MAML2: variants seen among roughly 807,000 people sequenced by gnomAD.
MAML2 encodes the protein mastermind-like protein 2.
In MAML2, 22 loss-of-function variants were observed where a neutral mutation model predicts 96.1. The ratio of observed to expected loss-of-function variants is 0.23; its 90% confidence interval spans 0.16 to 0.33. The LOEUF is 0.33. Ranked by LOEUF, MAML2 falls within the 10% of genes least tolerant of loss-of-function variation. The pLI is 1.00. For missense variants in MAML2, 1,367 were observed against 1,392.4 expected (o/e 0.98, Z 0.29); for synonymous variants, 561 against 521.3 (o/e 1.08, Z -1.04).
At chr11:96,225,833 A>C (rs79390047) in intron 1 of MAML2, among the ~76,000 whole-genome samples, 1 of 98,306 alleles carries the variant, frequency 1.0e-5, no homozygotes, top group African/African-American at 4.1e-5. Flanking sequence ...ACACTATCTC[A>C]AAAAAAAAAA....
At chr11:96,257,713 T>C (rs1862688036) in intron 1 of MAML2, among the ~76,000 whole-genome samples, 2 of 151,298 alleles carry the variant, frequency 1.3e-5, no homozygotes, top group East Asian at 3.9e-4. Flanking sequence ...AAAAAAAACC[T>C]CTATAATATT....
In MAML2 at chr11:96,231,362, T is replaced by C. The variant is rs527830479; in HGVS notation, c.513+110021A>G. ...TTGAATAATACTGAAATACAGTAGA[T>C]GCTAAATATGCTTGTTTCATAAATG... On this transcript the variant is annotated intron_variant, in intron 1 of 4. Transcript: ENST00000524717. Among the ~76,000 whole-genome samples the C allele has an allele frequency of 7.3e-4, 111 of 152,338 alleles. No homozygotes were observed. In the Middle Eastern group the frequency reaches 0.017, roughly 23 times the overall value.
chr11:96,264,412 C>T (rs1418349903), intron 1 of MAML2, among the ~76,000 whole-genome samples: 1 of 152,098 alleles, frequency 6.6e-6, no homozygotes, highest in Non-Finnish European at 1.5e-5. Flanking sequence ...CAGATTGAGG[C>T]AAAAATAACC....
chr11:96,151,403 A>T (rs515200), intron 1 of MAML2, among the ~76,000 whole-genome samples: 72,524 of 152,136 alleles, frequency 0.48, 18,476 homozygotes, highest in East Asian at 0.85. Flanking sequence ...TCTTGACAGC[A>T]AGTAATCCGA....
intron 1 of MAML2, among the ~76,000 whole-genome samples, chr11:96,207,793 GA>G (rs1372022846): frequency 6.6e-6 from 1 of 152,226 alleles, no homozygotes; most frequent in Non-Finnish European, 1.5e-5. Flanking sequence ...ATCGAATAAA[GA>G]AGGCACTTTC....
intron 1 of MAML2, among the ~76,000 whole-genome samples, chr11:96,332,763 A>C (rs1474832612): frequency 1.3e-5 from 2 of 152,256 alleles, no homozygotes; most frequent in African/African-American, 2.4e-5. Flanking sequence ...ACAACAACAA[A>C]AAATCCTCAT....
chr11:96,203,431 T>TA (rs1251722244), intron 1 of MAML2, among the ~76,000 whole-genome samples: 1 of 152,248 alleles, frequency 6.6e-6, no homozygotes, highest in Non-Finnish European at 1.5e-5. Flanking sequence ...GATTATGCCT[T>TA]AAAAATGTGC....
chr11:95,993,623 T>C (rs1215945019), intron 2 of MAML2, among the ~76,000 whole-genome samples: 2 of 152,112 alleles, frequency 1.3e-5, no homozygotes, highest in African/African-American at 4.8e-5. Context: ...TGATACCACA[T>C]GAGTAGAGGT....
chr11:96,110,789 G>A (rs1471428326), intron 1 of MAML2, among the ~76,000 whole-genome samples: 1 of 152,150 alleles, frequency 6.6e-6, no homozygotes, highest in East Asian at 1.9e-4. Flanking sequence ...AATTTTGGCA[G>A]CATATATTTT....
At position 95,991,628 on chromosome 11, in the gene MAML2, C is replaced by T. The variant is rs1565182873; in HGVS notation, c.2235G>A (p.Gln745=). 1.4e-5 allele frequency: 23 copies of T among 1,613,576 alleles called. No homozygotes were observed. The highest frequency in any genetic ancestry group is 1.7e-5 in the Non-Finnish European group (20 of 1,179,598). The stretch of plus-strand genomic sequence containing the variant: ...TCAATTGCTGATTCAACAGTGATTG[C>T]TGGGAGTTCATGTAACCACTTCCAG... The part of the protein sequence containing the change: ...PNTGSGYMNS[Q]QSLLNQQLMG... The change falls in exon 3 of 5, where the codon CAG becomes CAA. Residue 745 remains glutamine (Q), a synonymous_variant. Transcript: ENST00000524717.
intron 1 of MAML2, among the ~76,000 whole-genome samples, chr11:96,297,570 A>T (rs1397367451): frequency 2.0e-5 from 3 of 152,218 alleles, no homozygotes; most frequent in African/African-American, 7.2e-5. Context: ...CAACAGAACG[A>T]GACTCCATCT....
chr11:96,201,418 A>G (rs868073488), intron 1 of MAML2, among the ~76,000 whole-genome samples: 2 of 152,232 alleles, frequency 1.3e-5, no homozygotes, highest in Non-Finnish European at 2.9e-5. Flanking sequence ...GTCTATTTAG[A>G]TTAAGAAACA....
At chr11:96,262,936 C>T (rs2135974479) in intron 1 of MAML2, among the ~76,000 whole-genome samples, 1 of 152,200 alleles carries the variant, frequency 6.6e-6, no homozygotes, top group South Asian at 2.1e-4. Flanking sequence ...TTACTTTGCA[C>T]CCATGTTTTT....
intron 1 of MAML2, among the ~76,000 whole-genome samples, chr11:96,124,401 T>C (rs1860404039): frequency 6.6e-6 from 1 of 152,214 alleles, no homozygotes; most frequent in East Asian, 1.9e-4. Flanking sequence ...TCCAGTGTGC[T>C]ATGGTAAGAG....
chr11:96,163,884 T>G (rs913917416), intron 1 of MAML2, among the ~76,000 whole-genome samples: 2 of 142,500 alleles, frequency 1.4e-5, no homozygotes, highest in African/African-American at 5.3e-5. Context: ...TTTTTTGAGA[T>G]GGAGTTTTGC....
At position 95,979,566 on chromosome 11, in the gene MAML2, T is replaced by G; in HGVS notation, c.2853A>C (p.Arg951Ser). 1 of 1,613,924 alleles carries G rather than the reference T, an allele frequency of 6.2e-7. No individual in the cohort carries two copies. Among genetic ancestry groups the G allele is most frequent in the South Asian group, 1.1e-5 (1 of 91,060 alleles). Residue 951 changes from arginine (R) to serine (S), a missense_variant, in exon 5 of 5, where the codon AGA becomes AGC. Coordinates refer to ENST00000524717, the MANE Select transcript of MAML2 (RefSeq NM_032427.4). Reference protein sequence around the residue: ...THSMASMPPQRTSNVMITSNT... With the variant: ...THSMASMPPQSTSNVMITSNT... ...TGGATGTGATCATTACGTTTGATGTTCTCTGTGGTGGCATGCTTGCCATAC... is the reference window on the plus strand; with the variant it reads ...TGGATGTGATCATTACGTTTGATGTGCTCTGTGGTGGCATGCTTGCCATAC...
chr11:96,231,659 G>A (rs1452080317), intron 1 of MAML2, among the ~76,000 whole-genome samples: 2 of 152,182 alleles, frequency 1.3e-5, no homozygotes, highest in Non-Finnish European at 2.9e-5. Context: ...TGTATGAGTT[G>A]GAAAGAGAGT....
At chr11:96,008,955 G>A (rs57910915) in intron 2 of MAML2, among the ~76,000 whole-genome samples, 2,548 of 152,202 alleles carry the variant, frequency 0.017, 72 homozygotes, top group African/African-American at 0.058. Flanking sequence ...TATTGACACC[G>A]CTGAAATTCT....
chr11:96,305,447 AG>A (rs1281834449), intron 1 of MAML2, among the ~76,000 whole-genome samples: 1 of 152,194 alleles, frequency 6.6e-6, no homozygotes, highest in South Asian at 2.1e-4. Flanking sequence ...ATGCATGGAT[AG>A]GGAACTGGGA....
Sources: allele counts gnomAD v4.1 joint callset (sites outside exome capture counted in the v4.1 genomes callset), GRCh38; gene constraint gnomAD v4.1.1; transcripts MANE v1.5; gene names NCBI Gene and HGNC (gene_info 2026-07-23, HGNC 2026-07-21).